Variants in SUSD4 observed in about 807,000 individuals in gnomAD.
The protein encoded by SUSD4 is sushi domain containing 4.
A neutral mutation model predicts 50.5 loss-of-function variants in SUSD4; 41 were observed. The observed-to-expected ratio is 0.81, with a 90% CI of 0.63 to 1.05. The LOEUF is 1.05. SUSD4 is among the 50% of genes least tolerant of loss of function. The pLI is 0.00. For missense variants in SUSD4, 580 were observed against 634.7 expected (o/e 0.91, Z 0.93); for synonymous variants, 257 against 257.3 (o/e 1.00, Z 0.01).
chr1:223,363,853 G>A, intron 1 of SUSD4: 1 of 158,016 alleles, frequency 6.3e-6, no homozygotes, highest in Non-Finnish European at 1.4e-5. Flanking sequence ...TCACAATGTG[G>A]CACCGTCTCC....
intron 5 of SUSD4, chr1:223,264,276 C>T (rs1245752045): frequency 4.5e-5 from 45 of 1,008,194 alleles, no homozygotes; most frequent in Admixed American, 2.3e-4. Flanking sequence ...AACAATAAAA[C>T]GAGGGGTAAG....
intron 3 of SUSD4, among the ~76,000 whole-genome samples, chr1:223,273,522 T>C (rs1663056539): frequency 6.6e-6 from 1 of 152,254 alleles, no homozygotes; most frequent in East Asian, 1.9e-4. Flanking sequence ...GCCAACAGTA[T>C]GATGTATGGC....
chr1:223,249,332 C>T (rs1403848077), intron 5 of SUSD4, among the ~76,000 whole-genome samples: 1 of 152,198 alleles, frequency 6.6e-6, no homozygotes, highest in African/African-American at 2.4e-5. Context: ...CTGACCCTCT[C>T]TGCAATCAGC....
intron 5 of SUSD4, among the ~76,000 whole-genome samples, chr1:223,233,187 A>G (rs986531034): frequency 2.6e-5 from 4 of 152,220 alleles, no homozygotes; most frequent in Non-Finnish European, 4.4e-5. Flanking sequence ...TGAGACTGTC[A>G]TAATCGGCTG....
In SUSD4 at chr1:223,295,105, T is replaced by C. The variant is rs540218213; in HGVS notation, c.149-2454A>G. ...AGGCTCCCCTTATCAACTGACTGGA[T>C]GTTGGGGTTAGGAAGAGGTCTAAGA... is the stretch of plus-strand genomic sequence containing the variant. On this transcript the variant is annotated intron_variant, in intron 2 of 8. Coordinates refer to ENST00000366878, the MANE Select transcript of SUSD4 (RefSeq NM_017982.4). Among the ~76,000 whole-genome samples, 47 of 152,170 alleles carry C rather than the reference T, an allele frequency of 3.1e-4. No individual in the cohort carries two copies. In the South Asian group the frequency reaches 9.6e-3, roughly 31 times the overall value.
intron 2 of SUSD4, among the ~76,000 whole-genome samples, chr1:223,328,060 G>T (rs1246761569): frequency 6.6e-6 from 1 of 151,492 alleles, no homozygotes; most frequent in East Asian, 1.9e-4. Flanking sequence ...CACTACAGGG[G>T]TAATGTCATC....
chr1:223,284,541 T>C (rs1664002268), intron 3 of SUSD4, among the ~76,000 whole-genome samples: 1 of 152,152 alleles, frequency 6.6e-6, no homozygotes, highest in Non-Finnish European at 1.5e-5. Flanking sequence ...AAGAAGATGA[T>C]GTATATAAAG....
intron 5 of SUSD4, among the ~76,000 whole-genome samples, chr1:223,233,010 T>TC (rs1366831966): frequency 6.6e-6 from 1 of 152,192 alleles, no homozygotes; most frequent in Non-Finnish European, 1.5e-5. Flanking sequence ...TTGCTGGGGT[T>TC]CCCATGCTGC....
intron 2 of SUSD4, among the ~76,000 whole-genome samples, chr1:223,324,594 C>G (rs1666767756): frequency 6.6e-6 from 1 of 151,788 alleles, no homozygotes; most frequent in South Asian, 2.1e-4. Context: ...CTTTGCTTCT[C>G]CTCTCTCAAG....
intron 2 of SUSD4, among the ~76,000 whole-genome samples, chr1:223,354,340 C>CAAA (rs202177795): frequency 1.5e-5 from 2 of 134,408 alleles, no homozygotes; most frequent in Non-Finnish European, 1.6e-5. Context: ...CCTCAGCCTC[C>CAAA]AAAAAAAAAA....
At chr1:223,258,344 G>C (rs893868880) in intron 5 of SUSD4, among the ~76,000 whole-genome samples, 1 of 152,170 alleles carries the variant, frequency 6.6e-6, no homozygotes, top group African/African-American at 2.4e-5. Flanking sequence ...GGCCAAACAA[G>C]GTTCTTCAGT....
intron 3 of SUSD4, among the ~76,000 whole-genome samples, chr1:223,277,538 C>A (rs1242629235): frequency 6.6e-6 from 1 of 152,010 alleles, no homozygotes; most frequent in Non-Finnish European, 1.5e-5. Context: ...TGTGCCCAGG[C>A]ATAGGTTGAA....
chr1:223,309,712 T>C (rs1016508988), intron 2 of SUSD4, among the ~76,000 whole-genome samples: 3 of 152,240 alleles, frequency 2.0e-5, no homozygotes, highest in Admixed American at 1.3e-4. Flanking sequence ...GTAGCAGCTA[T>C]TCTAGAATGC....
At position 223,226,204 on chromosome 1, in the gene SUSD4, T is replaced by C. The variant is rs1412506069; in HGVS notation, c.1061+1390A>G. On this transcript the variant is annotated intron_variant, in intron 7 of 8. Coordinates refer to ENST00000366878, the MANE Select transcript of SUSD4 (RefSeq NM_017982.4). ...CTTAGGCCTTCTTGAGATACTGTAA[T>C]TGCTCAATGATAGAACATGGTCCCT... 2.6e-5 allele frequency among the ~76,000 whole-genome samples: 4 copies of C among 152,200 alleles called. No homozygotes were observed. The East Asian group carries it at 7.7e-4, about 29-fold the overall frequency.
intron 5 of SUSD4, among the ~76,000 whole-genome samples, chr1:223,237,851 T>C (rs925108767): frequency 1.4e-4 from 21 of 152,060 alleles, no homozygotes; most frequent in Non-Finnish European, 8.8e-5. Flanking sequence ...AGAGTAATGC[T>C]GGCCTCACAA....
intron 5 of SUSD4, among the ~76,000 whole-genome samples, chr1:223,232,141 C>A (rs73120297): frequency 0.026 from 3,882 of 152,144 alleles, 101 homozygotes; most frequent in African/African-American, 0.064. Flanking sequence ...AACCAGGGAG[C>A]AGAACAGTGG....
chr1:223,324,963 C>T (rs1666789650), intron 2 of SUSD4, among the ~76,000 whole-genome samples: 1 of 152,100 alleles, frequency 6.6e-6, no homozygotes, highest in Non-Finnish European at 1.5e-5. Flanking sequence ...GGGTACTTTA[C>T]TTGTGTTTCT....
chr1:223,275,065 AAAG>A (rs1489980675), intron 3 of SUSD4, among the ~76,000 whole-genome samples: 21 of 152,236 alleles, frequency 1.4e-4, no homozygotes, highest in Admixed American at 3.9e-4. Flanking sequence ...ATTAATCCAG[AAAG>A]AAGAACAAGG....
At chr1:223,253,023 G>A (rs1212803840) in intron 5 of SUSD4, among the ~76,000 whole-genome samples, 2 of 151,908 alleles carry the variant, frequency 1.3e-5, no homozygotes, top group Non-Finnish European at 2.9e-5. Context: ...CCTGAGAGGC[G>A]GAGGTTGCAG....
Sources: gnomAD v4.1 joint callset for allele counts (sites outside exome capture counted in the v4.1 genomes callset) on GRCh38, gnomAD v4.1.1 for gene constraint, MANE v1.5 for transcripts, NCBI Gene and HGNC (gene_info 2026-07-23, HGNC 2026-07-21) for gene names.